The following NOL4 variants were observed in gnomAD, a reference collection of about 807,000 sequenced individuals.
NOL4 encodes nucleolar protein 4.
In NOL4, 17 loss-of-function variants were observed where a neutral mutation model predicts 75.9. That is an observed-to-expected ratio of 0.22 (90% CI 0.15 to 0.34). The LOEUF is 0.34. Ranked by LOEUF, NOL4 falls within the 10% of genes least tolerant of loss-of-function variation. The probability of loss-of-function intolerance (pLI) is 1.00; values close to 1 mark genes in which losing one functional copy is unlikely to be tolerated. For synonymous variants in NOL4, 292 were observed against 289.9 expected (o/e 1.01, Z -0.07); for missense variants, 614 against 793.5 (o/e 0.77, Z 2.72).
At chr18:34,004,450 A>T (rs963004527) in intron 6 of NOL4, among the ~76,000 whole-genome samples, 1 of 152,060 alleles carries the variant, frequency 6.6e-6, no homozygotes, top group Non-Finnish European at 1.5e-5. Flanking sequence ...TAATGACAGC[A>T]CCTTTTAATT....
In NOL4 at chr18:34,129,854, T is replaced by C; in HGVS notation, c.414+17A>G. 6.6e-7 allele frequency: 1 copy of C among 1,521,232 alleles called. No individual in the cohort carries two copies. 94.2% of individuals were successfully genotyped at this position (1,521,232 alleles called of 1,614,324 possible). A position where few individuals can be genotyped will look rare whatever the true frequency, so the allele number is the denominator to read the frequency against. On this transcript the variant is annotated intron_variant, in intron 2 of 10. Transcript: ENST00000261592. Reference sequence around the variant, plus strand: ...GTCTCGAAATGCATGCTCTTTTTTTTTTCTTTTTTAACTTACTGCTTTGTA... The same window carrying C: ...GTCTCGAAATGCATGCTCTTTTTTTCTTCTTTTTTAACTTACTGCTTTGTA...
chr18:33,945,331 C>T (rs553401205), intron 8 of NOL4, among the ~76,000 whole-genome samples: 6 of 151,800 alleles, frequency 4.0e-5, no homozygotes, highest in African/African-American at 1.4e-4. Context: ...TAAATGATTA[C>T]ATTGTATCAA....
In NOL4 at chr18:33,905,202, A is replaced by T. The variant is rs369694859; in HGVS notation, c.1543-21778T>A. ...GGCACTGTACTAACTTCTGTTCATG[A>T]CTTTTCTTCTAGCAGGATCACTCAT... On this transcript the variant is annotated intron_variant, in intron 9 of 10. Transcript: ENST00000261592. 9.9e-5 allele frequency among the ~76,000 whole-genome samples: 15 copies of T among 152,240 alleles called. No homozygotes were observed. In the South Asian group the frequency reaches 2.7e-3, roughly 27 times the overall value.
intron 6 of NOL4, among the ~76,000 whole-genome samples, chr18:34,006,471 C>G (rs1205718218): frequency 6.6e-6 from 1 of 151,966 alleles, no homozygotes; most frequent in Non-Finnish European, 1.5e-5. Context: ...AATACTGAGC[C>G]CTAGATGTAG....
chr18:34,063,785 TATG>T (rs1249011273), intron 5 of NOL4, among the ~76,000 whole-genome samples: 9 of 152,000 alleles, frequency 5.9e-5, no homozygotes, highest in African/African-American at 2.2e-4. Flanking sequence ...TGCTTTGTTA[TATG>T]ATAATAATTA....
At chr18:34,074,129 G>A (rs1264303896) in intron 5 of NOL4, among the ~76,000 whole-genome samples, 1 of 151,566 alleles carries the variant, frequency 6.6e-6, no homozygotes, top group African/African-American at 2.4e-5. Flanking sequence ...TCAAAGAATT[G>A]TATTTTTTAA....
At chr18:33,928,113 A>C (rs1445324741) in intron 9 of NOL4, among the ~76,000 whole-genome samples, 1 of 152,186 alleles carries the variant, frequency 6.6e-6, no homozygotes, top group South Asian at 2.1e-4. Flanking sequence ...GCATAAACCA[A>C]ATATGTCAGG....
At chr18:34,009,742 T>G (rs1156314249) in intron 6 of NOL4, among the ~76,000 whole-genome samples, 1 of 151,894 alleles carries the variant, frequency 6.6e-6, no homozygotes, top group Non-Finnish European at 1.5e-5. Flanking sequence ...CTACTCATTC[T>G]CAAGGCCTAC....
intron 9 of NOL4, among the ~76,000 whole-genome samples, chr18:33,886,322 G>A (rs142453730): frequency 6.6e-6 from 1 of 152,138 alleles, no homozygotes; most frequent in East Asian, 1.9e-4. Flanking sequence ...GAGGTCAGGA[G>A]TTCGAGACCA....
At chr18:33,862,653 A>G (rs1344390428) in intron 10 of NOL4, among the ~76,000 whole-genome samples, 1 of 152,244 alleles carries the variant, frequency 6.6e-6, no homozygotes, top group African/African-American at 2.4e-5. Flanking sequence ...TTATGCAGCC[A>G]AAAAACACAT....
intron 1 of NOL4, among the ~76,000 whole-genome samples, chr18:34,133,218 G>A (rs1390677622): frequency 6.8e-6 from 1 of 146,306 alleles, no homozygotes; most frequent in East Asian, 2.0e-4. Flanking sequence ...GTTGCAGTGA[G>A]CCAAGATCAC....
chr18:33,873,828 A>C (rs2144535502), intron 10 of NOL4, among the ~76,000 whole-genome samples: 1 of 152,104 alleles, frequency 6.6e-6, no homozygotes, highest in Non-Finnish European at 1.5e-5. Flanking sequence ...TGGACAGGTA[A>C]AATAATAAGA....
chr18:33,867,409 A>G (rs1051081052), intron 10 of NOL4, among the ~76,000 whole-genome samples: 3 of 152,146 alleles, frequency 2.0e-5, no homozygotes, highest in Non-Finnish European at 2.9e-5. Flanking sequence ...ATTTCTGGAA[A>G]TAGATTGAAT....
intron 6 of NOL4, among the ~76,000 whole-genome samples, chr18:33,999,287 G>A (rs2073525219): frequency 2.6e-5 from 4 of 151,504 alleles, no homozygotes; most frequent in Admixed American, 2.0e-4. Context: ...AGCTGGGACT[G>A]TAGGTGTGTT....
intron 1 of NOL4, among the ~76,000 whole-genome samples, chr18:34,220,342 C>T (rs1191542997): frequency 3.3e-5 from 5 of 152,158 alleles, no homozygotes; most frequent in African/African-American, 1.2e-4. Flanking sequence ...TGGATTACTG[C>T]AACATCAGGA....
At chr18:33,864,752 A>G (rs1272811346) in intron 10 of NOL4, among the ~76,000 whole-genome samples, 1 of 152,156 alleles carries the variant, frequency 6.6e-6, no homozygotes, top group East Asian at 1.9e-4. Context: ...AATACCTGAG[A>G]CTGGATAATT....
intron 1 of NOL4, among the ~76,000 whole-genome samples, chr18:34,203,463 G>A (rs1251763233): frequency 2.7e-5 from 4 of 149,658 alleles, no homozygotes; most frequent in Non-Finnish European, 5.9e-5. Flanking sequence ...GTAAAGCTGG[G>A]AAAATGTCAA....
At chr18:33,873,390 G>T (rs1447003462) in intron 10 of NOL4, among the ~76,000 whole-genome samples, 3 of 151,930 alleles carry the variant, frequency 2.0e-5, no homozygotes, top group African/African-American at 7.2e-5. Context: ...AAGAAGAAAA[G>T]CACATTTTCC....
chr18:34,191,393 A>G (rs1223275728), intron 1 of NOL4, among the ~76,000 whole-genome samples: 1 of 152,150 alleles, frequency 6.6e-6, no homozygotes, highest in African/African-American at 2.4e-5. Flanking sequence ...TATAATTAAC[A>G]TAATATCCAA....
Sources: allele counts gnomAD v4.1 joint callset (sites outside exome capture counted in the v4.1 genomes callset), GRCh38; gene constraint gnomAD v4.1.1; transcripts MANE v1.5; gene names NCBI Gene and HGNC (gene_info 2026-07-23, HGNC 2026-07-21).